Variants in ARID4B observed in about 807,000 individuals in gnomAD.
ARID4B encodes AT-rich interaction domain 4B.
In ARID4B, 26 loss-of-function variants were observed where a neutral mutation model predicts 147.5. That is an observed-to-expected ratio of 0.18 (90% confidence interval 0.13 to 0.24). ARID4B has a LOEUF of 0.24. Ranked by LOEUF, ARID4B falls within the 10% of genes least tolerant of loss-of-function variation. ARID4B has a pLI of 1.00. For synonymous variants in ARID4B, 512 were observed against 507.9 expected (o/e 1.01, Z -0.11); for missense variants, 1,179 against 1,511.5 (o/e 0.78, Z 3.65).
chr1:235,319,244 C>T (rs1158492927), intron 2 of ARID4B, among the ~76,000 whole-genome samples: 4 of 152,330 alleles, frequency 2.6e-5, no homozygotes, highest in South Asian at 4.1e-4. Flanking sequence ...TGGTGAGGCG[C>T]GGTGGCTCAT....
intron 20 of ARID4B, 91 bp downstream of exon 20, chr1:235,181,494 C>A: frequency 2.1e-6 from 3 of 1,454,782 alleles, no homozygotes; most frequent in Non-Finnish European, 2.8e-6. Flanking sequence ...CACTTAATCG[C>A]CTCAGGTTAT....
chr1:235,234,098 A>G (rs1345148555), intron 9 of ARID4B, among the ~76,000 whole-genome samples: 2 of 152,176 alleles, frequency 1.3e-5, no homozygotes, highest in African/African-American at 2.4e-5. Flanking sequence ...AAAAAAATCA[A>G]TAAAGTATTA....
At chr1:235,273,298 C>G (rs2103152023) in intron 2 of ARID4B, among the ~76,000 whole-genome samples, 1 of 152,266 alleles carries the variant, frequency 6.6e-6, no homozygotes, top group Non-Finnish European at 1.5e-5. Flanking sequence ...CCAGCCTTGG[C>G]CTCCCAAAGT....
chr1:235,265,760 A>G (rs1210319216), intron 2 of ARID4B, among the ~76,000 whole-genome samples: 2 of 152,100 alleles, frequency 1.3e-5, no homozygotes, highest in African/African-American at 2.4e-5. Flanking sequence ...CTTCAAATCT[A>G]TCCCTTAGTA....
At chr1:235,180,272 G>C (rs769037659) in intron 20 of ARID4B, 2 of 151,116 alleles carry the variant, frequency 1.3e-5, no homozygotes, top group Admixed American at 1.3e-4. Flanking sequence ...AGGTAGCTGG[G>C]ACTACAGGCA....
chr1:235,267,849 A>G (rs967388458), intron 2 of ARID4B, among the ~76,000 whole-genome samples: 2 of 152,072 alleles, frequency 1.3e-5, no homozygotes, highest in African/African-American at 4.8e-5. Flanking sequence ...GCTTGCAGTG[A>G]GCCGAGATCG....
intron 12 of ARID4B, 122 bp from the exon 13 acceptor site, chr1:235,223,382 T>TATATAC (rs71172272): frequency 1.4e-5 from 3 of 214,210 alleles, no homozygotes; most frequent in Admixed American, 6.7e-5. Context: ...TATATATATA[T>TATATAC]ACACGTATAT....
At position 235,172,642 on chromosome 1, in the gene ARID4B, G is replaced by A. The variant is rs1183357307; in HGVS notation, c.3787C>T (p.Arg1263Cys). 4 of 1,574,518 alleles carry A rather than the reference G, an allele frequency of 2.5e-6. No homozygotes were observed. Among genetic ancestry groups the A allele is most frequent in the Non-Finnish European group, 2.6e-6 (3 of 1,165,328 alleles). ...CTTTCTCTCTCTTTCTTCTTTAAACGCTTTCTCCTCCGATCAATGGAAGCT... is the reference window on the plus strand; with the variant it reads ...CTTTCTCTCTCTTTCTTCTTTAAACACTTTCTCCTCCGATCAATGGAAGCT... ...EVASIDRRRK[R>C]LKKKERESAA... is the part of the protein sequence containing the mutation. The change falls in exon 23 of 24, where the codon CGT (arginine) becomes TGT (cysteine). Residue 1263 changes from arginine (R) to cysteine (C), a missense_variant. This residue lies in a region of ARID4B where 357 missense variants were observed against 427.3 expected (regional missense o/e 0.84). Transcript: ENST00000264183.
intron 2 of ARID4B, among the ~76,000 whole-genome samples, chr1:235,289,725 CAAAAA>C (rs35163064): frequency 2.2e-5 from 2 of 92,958 alleles, no homozygotes; most frequent in African/African-American, 5.5e-5. Flanking sequence ...GATTCTGCCT[CAAAAA>C]AAAAAAAAAA....
chr1:235,255,287 C>CCATA (rs1669909206), intron 5 of ARID4B, among the ~76,000 whole-genome samples: 1 of 136,504 alleles, frequency 7.3e-6, no homozygotes, highest in African/African-American at 2.6e-5. Context: ...CTCTCTCTCT[C>CCATA]TATATATATA....
rs1050185059 is a variant in ARID4B at position 235,229,017 on chromosome 1, G to A, written c.897+214C>T. The A allele has an allele frequency of 2.0e-5, 10 of 509,556 alleles. No homozygotes were observed. The Admixed American group carries it at 4.0e-4, about 20-fold the overall frequency. 31.6% of individuals were successfully genotyped at this position (509,556 alleles called of 1,614,324 possible). On this transcript the variant is annotated intron_variant, in intron 11 of 23. Coordinates refer to ENST00000264183, the MANE Select transcript of ARID4B (RefSeq NM_016374.6). ...TAAGACATGTTTTTGAGGTTATTAG[G>A]AAAATCAGGCTTAATATTTTCTATT...
intron 19 of ARID4B, among the ~76,000 whole-genome samples, chr1:235,183,370 G>A (rs568083593): frequency 7.9e-5 from 12 of 152,016 alleles, no homozygotes; most frequent in South Asian, 2.1e-4. Context: ...CACCACGCCC[G>A]GCTAATTTTT....
intron 17 of ARID4B, among the ~76,000 whole-genome samples, chr1:235,201,336 T>C (rs1442346323): frequency 1.3e-5 from 2 of 152,068 alleles, no homozygotes; most frequent in African/African-American, 4.8e-5. Flanking sequence ...TCTTCTTTTT[T>C]TTTTTTTCTT....
rs773118376 is a variant in ARID4B at position 235,194,144 on chromosome 1, A to G, written c.1994T>C (p.Leu665Ser). ...ATTTGTCTGAAATGGTGGTTTGGAC[A>G]AGCGCCGAAGTTTACAGTTTTTTGG... ...YSPKNCKLRR[L>S]SKPPFQTNPS... The change falls in exon 19 of 24, where the codon TTG becomes TCG. Residue 665 changes from leucine to serine, a missense_variant. Physicochemically the swap from Leu to Ser is moderately radical, Grantham distance 145. Around this residue, in one of 10 missense-constraint regions of ARID4B, gnomAD observed 321 missense variants for 342.4 expected, o/e 0.94. Transcript: ENST00000264183. 1.2e-5 allele frequency: 20 copies of G among 1,613,422 alleles called. No individual in the cohort carries two copies. The Middle Eastern group carries it at 8.2e-4, about 66-fold the overall frequency.
In ARID4B at chr1:235,183,889, T is replaced by C. The variant is rs543411343; in HGVS notation, c.2126-1096A>G. ...GCCTCAACCTCCTGGGCTCAAATGATCCTCCCACCTCAGCCACCCAAGTAG... is the reference window on the plus strand; with the variant it reads ...GCCTCAACCTCCTGGGCTCAAATGACCCTCCCACCTCAGCCACCCAAGTAG... On this transcript the variant is annotated intron_variant, in intron 19 of 23. Transcript: ENST00000264183. Among the ~76,000 whole-genome samples the C allele has an allele frequency of 8.5e-5, 13 of 152,136 alleles. No individual in the cohort carries two copies. The South Asian group carries it at 2.3e-3, about 27-fold the overall frequency.
intron 22 of ARID4B, among the ~76,000 whole-genome samples, chr1:235,173,251 G>C (rs2102896572): frequency 6.6e-6 from 1 of 152,292 alleles, no homozygotes; most frequent in East Asian, 1.9e-4. Context: ...GGCTGGGGCA[G>C]GATAATCGCT....
intron 7 of ARID4B, among the ~76,000 whole-genome samples, chr1:235,244,671 T>C (rs867427482): frequency 1.3e-5 from 2 of 152,170 alleles, no homozygotes; most frequent in Non-Finnish European, 2.9e-5. Flanking sequence ...AATTTGGTGA[T>C]ACATCACTCC....
intron 17 of ARID4B, among the ~76,000 whole-genome samples, chr1:235,210,167 G>C (rs1366097380): frequency 6.6e-6 from 1 of 151,992 alleles, no homozygotes; most frequent in Admixed American, 6.5e-5. Flanking sequence ...GTCGAGGCTG[G>C]AGAGCCATGA....
intron 2 of ARID4B, among the ~76,000 whole-genome samples, chr1:235,268,871 T>C (rs1391180100): frequency 6.6e-6 from 1 of 152,154 alleles, no homozygotes; most frequent in Non-Finnish European, 1.5e-5. Context: ...ACAAGAAGAA[T>C]CTGAAACATC....
Sources: gnomAD v4.1 joint callset for allele counts (sites outside exome capture counted in the v4.1 genomes callset) on GRCh38, gnomAD v4.1.1 for gene constraint, gnomAD v4.1.1 regional missense constraint, MANE v1.5 for transcripts, NCBI Gene and HGNC (gene_info 2026-07-23, HGNC 2026-07-21) for gene names.